ASIC2: variants seen among roughly 807,000 people sequenced by gnomAD.
The protein encoded by ASIC2 is acid-sensing ion channel 2.
A neutral mutation model predicts 57.3 loss-of-function variants in ASIC2; 25 were observed. The ratio of observed to expected loss-of-function variants is 0.44; its 90% CI spans 0.32 to 0.61. The LOEUF is 0.61. Among genes scored for constraint, ASIC2 ranks in the 20% least tolerant of loss-of-function variants. ASIC2 has a pLI of 0.06. For missense variants in ASIC2, 641 were observed against 738.1 expected (o/e 0.87, Z 1.52); for synonymous variants, 319 against 307.5 (o/e 1.04, Z -0.39).
chr17:33,212,129 G>A (rs1411454893), intron 1 of ASIC2, among the ~76,000 whole-genome samples: 4 of 152,172 alleles, frequency 2.6e-5, no homozygotes, highest in African/African-American at 9.7e-5. Context: ...ACTATGAGTG[G>A]TAGGCTGGAT....
chr17:33,894,346 CGTGCGTGTGTGTGTGTGTGT>C (rs1302800142), intron 1 of ASIC2, among the ~76,000 whole-genome samples: 10 of 87,402 alleles, frequency 1.1e-4, no homozygotes, highest in African/African-American at 3.1e-4. Context: ...TGCGTGCGTG[CGTGCGTGTGTGTGTGTGTGT>C]GTGTGTGTGT....
chr17:33,070,390 G>C (rs1035089309), intron 3 of ASIC2, among the ~76,000 whole-genome samples: 3 of 149,522 alleles, frequency 2.0e-5, no homozygotes. Context: ...CCAGGCTGGA[G>C]TCAGTGGTGT....
chr17:33,015,903 A>T, intron 9 of ASIC2, 68 bp downstream of exon 9: 1 of 1,550,776 alleles, frequency 6.4e-7, no homozygotes, highest in Non-Finnish European at 8.9e-7. Flanking sequence ...CGGCCCCAGC[A>T]TCTGGTTTTG....
chr17:33,805,029 C>A (rs527314218), intron 1 of ASIC2, among the ~76,000 whole-genome samples: 1 of 152,022 alleles, frequency 6.6e-6, no homozygotes, highest in East Asian at 1.9e-4. Flanking sequence ...AGGTTCCAGA[C>A]GCCCCATAAA....
At chr17:33,803,713 C>T (rs1912196601) in intron 1 of ASIC2, among the ~76,000 whole-genome samples, 1 of 150,734 alleles carries the variant, frequency 6.6e-6, no homozygotes, top group Non-Finnish European at 1.5e-5. Flanking sequence ...CGCCTGCCTT[C>T]TATTCAGACA....
intron 1 of ASIC2, among the ~76,000 whole-genome samples, chr17:33,465,934 T>C (rs1427182016): frequency 6.6e-6 from 1 of 152,174 alleles, no homozygotes; most frequent in Non-Finnish European, 1.5e-5. Flanking sequence ...AGGACCAGCT[T>C]GAGAAAGTTT....
At chr17:33,023,339 A>T (rs916573480) in intron 6 of ASIC2, among the ~76,000 whole-genome samples, 2 of 151,978 alleles carry the variant, frequency 1.3e-5, no homozygotes, top group Non-Finnish European at 2.9e-5. Context: ...AATACAAAAA[A>T]ATTAGCTGGG....
intron 1 of ASIC2, among the ~76,000 whole-genome samples, chr17:33,733,799 C>G (rs775903414): frequency 6.6e-6 from 1 of 152,158 alleles, no homozygotes; most frequent in Non-Finnish European, 1.5e-5. Flanking sequence ...AGATAGTTGT[C>G]TGGCTAAATC....
At chr17:33,250,559 C>T (rs1023468955) in intron 1 of ASIC2, among the ~76,000 whole-genome samples, 3 of 152,244 alleles carry the variant, frequency 2.0e-5, no homozygotes, top group African/African-American at 4.8e-5. Context: ...GCCATGTTCT[C>T]GGGCAAGTCA....
chr17:34,120,739 CTTTTT>C (rs869228239), intron 1 of ASIC2, among the ~76,000 whole-genome samples: 3 of 70,006 alleles, frequency 4.3e-5, no homozygotes, highest in Non-Finnish European at 5.7e-5. Context: ...TTTTTTTTTT[CTTTTT>C]TTTTTTTTTT....
chr17:33,700,845 G>A (rs1163206133), intron 1 of ASIC2, among the ~76,000 whole-genome samples: 1 of 152,152 alleles, frequency 6.6e-6, no homozygotes, highest in African/African-American at 2.4e-5. Context: ...TGGAGGTAAA[G>A]TCTCCTTGGT....
chr17:34,010,035 T>G (rs1906658331), intron 1 of ASIC2, among the ~76,000 whole-genome samples: 1 of 152,138 alleles, frequency 6.6e-6, no homozygotes, highest in Non-Finnish European at 1.5e-5. Flanking sequence ...ATCGACCCAC[T>G]CTGACTTGCA....
At chr17:33,057,042 G>A (rs1239949589) in intron 3 of ASIC2, among the ~76,000 whole-genome samples, 1 of 152,134 alleles carries the variant, frequency 6.6e-6, no homozygotes, top group Non-Finnish European at 1.5e-5. Context: ...TAAGGAGGTG[G>A]GAAGGGAATG....
chr17:33,742,388 A>C (rs1910138844), intron 1 of ASIC2, among the ~76,000 whole-genome samples: 4 of 152,094 alleles, frequency 2.6e-5, no homozygotes, highest in African/African-American at 4.8e-5. Context: ...CCTTAAGTTG[A>C]AGCACATTTT....
Position 33,163,253 on chromosome 17 carries a change from T to A in ASIC2, c.709-51186A>T, listed in dbSNP as rs190772323. 7.2e-3 allele frequency among the ~76,000 whole-genome samples: 1,093 copies of A among 152,306 alleles called. 11 individuals are homozygous for A. The highest frequency in any genetic ancestry group is 0.027 in the Middle Eastern group (8 of 294). ...TTTTCAAGGCAAAGAAACAGCAGCA[T>A]GACCTTCTAGGTGGAGAGGAATCAT... On this transcript the variant is annotated intron_variant, in intron 1 of 9. Coordinates refer to ENST00000225823, the MANE Select transcript of ASIC2 (RefSeq NM_183377.2).
chr17:33,657,856 G>A (rs1907126162), intron 1 of ASIC2, among the ~76,000 whole-genome samples: 1 of 151,756 alleles, frequency 6.6e-6, no homozygotes, highest in Non-Finnish European at 1.5e-5. Context: ...ATCCAACAGC[G>A]ATCTAATAAA....
intron 1 of ASIC2, chr17:34,038,611 C>A (rs1164996611): frequency 3.1e-6 from 5 of 1,599,618 alleles, no homozygotes; most frequent in Non-Finnish European, 4.3e-6. Flanking sequence ...CATTATGTAT[C>A]CTTTTTACTT....
chr17:33,479,595 T>C (rs906731517), intron 1 of ASIC2, among the ~76,000 whole-genome samples: 37 of 152,310 alleles, frequency 2.4e-4, no homozygotes, highest in African/African-American at 8.7e-4. Context: ...TCTTCACCAG[T>C]GGGCCTTCTG....
chr17:33,507,023 C>T (rs947392415), intron 1 of ASIC2, among the ~76,000 whole-genome samples: 8 of 152,152 alleles, frequency 5.3e-5, no homozygotes, highest in Non-Finnish European at 1.2e-4. Flanking sequence ...AGGAACTCTT[C>T]CTGTAGTCTT....
Sources: gnomAD v4.1 joint callset for allele counts (sites outside exome capture counted in the v4.1 genomes callset) on GRCh38, gnomAD v4.1.1 for gene constraint, MANE v1.5 for transcripts, NCBI Gene and HGNC (gene_info 2026-07-23, HGNC 2026-07-21) for gene names.